Variants in CLEC16A observed in about 807,000 individuals in gnomAD.
CLEC16A encodes C-type lectin domain containing 16A.
Under a neutral mutation model 109.5 loss-of-function variants are expected in CLEC16A, and 51 were observed. That is an observed-to-expected ratio of 0.47 (90% CI 0.37 to 0.59). The LOEUF (loss-of-function observed/expected upper bound fraction) is 0.59, where lower values mean the gene tolerates loss of function less well. Among genes scored for constraint, CLEC16A ranks in the 20% least tolerant of loss-of-function variants. CLEC16A has a pLI of 0.00. For synonymous variants in CLEC16A, 673 were observed against 564.2 expected (o/e 1.19, Z -2.73); for missense variants, 1,339 against 1,394.0 (o/e 0.96, Z 0.63).
At chr16:11,050,388 G>T (rs905993307) in intron 17 of CLEC16A, among the ~76,000 whole-genome samples, 3 of 152,198 alleles carry the variant, frequency 2.0e-5, no homozygotes, top group Non-Finnish European at 4.4e-5. Flanking sequence ...CTACATCCCT[G>T]CCCTATGTAG....
At chr16:11,116,695 A>C (rs2052019518) in intron 19 of CLEC16A, among the ~76,000 whole-genome samples, 1 of 152,104 alleles carries the variant, frequency 6.6e-6, no homozygotes, top group Admixed American at 6.5e-5. Context: ...GAGAGGGGGG[A>C]AATCCTTGGA....
chr16:11,051,750 C>A, intron 18 of CLEC16A, 109 bp downstream of exon 18: 1 of 1,368,078 alleles, frequency 7.3e-7, no homozygotes, highest in South Asian at 1.3e-5. Flanking sequence ...GCCCTCAACA[C>A]AGCTTAGACA....
Position 10,968,062 on chromosome 16 carries a change from C to T in CLEC16A, c.344-1099C>T, listed in dbSNP as rs184098370. 1.3e-4 allele frequency among the ~76,000 whole-genome samples: 20 copies of T among 152,352 alleles called. 1 individual carries two copies. Among genetic ancestry groups the T allele is most frequent in the South Asian group, 4.1e-4 (2 of 4,834 alleles). On this transcript the variant is annotated intron_variant, in intron 3 of 23. Transcript: ENST00000409790. ...AACCATGCCCCCAGCAGGTGTGAAT[C>T]GTGTTCTGCCTTTAGCTGTCCTGGG...
intron 19 of CLEC16A, among the ~76,000 whole-genome samples, chr16:11,081,727 T>C (rs1485996930): frequency 2.0e-5 from 3 of 152,176 alleles, no homozygotes; most frequent in South Asian, 2.1e-4. Context: ...AAAGCCCAAG[T>C]TGGCTTTTGA....
At chr16:11,085,061 G>C (rs976630453) in intron 19 of CLEC16A, among the ~76,000 whole-genome samples, 2 of 152,212 alleles carry the variant, frequency 1.3e-5, no homozygotes, top group Admixed American at 6.5e-5. Context: ...CCTGGGGGAA[G>C]GGAGCCAGCA....
intron 19 of CLEC16A, among the ~76,000 whole-genome samples, chr16:11,089,889 G>T (rs567822489): frequency 1.3e-5 from 2 of 152,278 alleles, no homozygotes; most frequent in South Asian, 4.1e-4. Context: ...TTCCATCCCT[G>T]CCTTTGCTCA....
chr16:10,979,198 C>A, intron 8 of CLEC16A, 131 bp from the exon 9 acceptor site: 1 of 724,980 alleles, frequency 1.4e-6, no homozygotes. Context: ...AAAGGACAGC[C>A]CTAGGGCCGT....
intron 19 of CLEC16A, among the ~76,000 whole-genome samples, chr16:11,081,059 T>G (rs1040284433): frequency 4.6e-5 from 7 of 152,132 alleles, no homozygotes; most frequent in Admixed American, 6.5e-5. Flanking sequence ...ACGCTGCAAT[T>G]GAGGAAGCCT....
At chr16:11,044,007 A>T (rs2047494735) in intron 15 of CLEC16A, 21 bp from the exon 16 acceptor site, 1 of 1,588,960 alleles carries the variant, frequency 6.3e-7, no homozygotes, top group Admixed American at 1.8e-5. Context: ...CCTCCTTCAC[A>T]CCTTCCTTCT....
intron 19 of CLEC16A, among the ~76,000 whole-genome samples, chr16:11,111,845 T>C (rs201360656): frequency 5.3e-5 from 8 of 152,276 alleles, no homozygotes; most frequent in East Asian, 3.8e-4. Context: ...GGTAATGATA[T>C]GAAGTTTCCT....
intron 19 of CLEC16A, among the ~76,000 whole-genome samples, chr16:11,100,115 C>G (rs1034444785): frequency 9.2e-5 from 14 of 152,144 alleles, no homozygotes; most frequent in Non-Finnish European, 1.6e-4. Flanking sequence ...AAAAAAAATT[C>G]AATCCATGGC....
chr16:11,123,228 T>C (rs1307774740), intron 20 of CLEC16A, among the ~76,000 whole-genome samples: 2 of 152,180 alleles, frequency 1.3e-5, no homozygotes, highest in Non-Finnish European at 2.9e-5. Flanking sequence ...GATTAGCTTT[T>C]CCCTTTGGGG....
chr16:10,948,542 A>G (rs575323245), intron 1 of CLEC16A, among the ~76,000 whole-genome samples: 1 of 152,268 alleles, frequency 6.6e-6, no homozygotes, highest in South Asian at 2.1e-4. Flanking sequence ...GAATCGTTTG[A>G]TTGCTACTGA....
At chr16:11,037,256 G>C (rs2047074274) in intron 13 of CLEC16A, among the ~76,000 whole-genome samples, 1 of 152,202 alleles carries the variant, frequency 6.6e-6, no homozygotes, top group Admixed American at 6.5e-5. Flanking sequence ...CTGGCTGTGT[G>C]GGTGCTGCCA....
intron 13 of CLEC16A, among the ~76,000 whole-genome samples, chr16:11,030,462 C>T (rs182346667): frequency 1.1e-3 from 166 of 152,324 alleles, no homozygotes; most frequent in Admixed American, 4.1e-3. Context: ...TTTCACCATT[C>T]TAATAGGTTT....
At chr16:11,050,418 G>C (rs2047879051) in intron 17 of CLEC16A, among the ~76,000 whole-genome samples, 1 of 152,246 alleles carries the variant, frequency 6.6e-6, no homozygotes, top group African/African-American at 2.4e-5. Context: ...CCTAGCAGGA[G>C]GGGGAAAGTG....
intron 23 of CLEC16A, among the ~76,000 whole-genome samples, chr16:11,176,883 T>A (rs1410807445): frequency 6.6e-6 from 1 of 152,274 alleles, no homozygotes; most frequent in African/African-American, 2.4e-5. Context: ...TTCCTCTCCC[T>A]CTTCCCTTTC....
chr16:11,117,477 A>G (rs1372516339), intron 19 of CLEC16A, among the ~76,000 whole-genome samples: 1 of 152,180 alleles, frequency 6.6e-6, no homozygotes, highest in Non-Finnish European at 1.5e-5. Context: ...CATTTTTATC[A>G]TCTTTCATTT....
intron 22 of CLEC16A, among the ~76,000 whole-genome samples, chr16:11,155,250 A>T (rs577916732): frequency 2.0e-5 from 3 of 152,316 alleles, no homozygotes; most frequent in African/African-American, 7.2e-5. Context: ...TAATGCTTTC[A>T]TCCTCACGAA....
Sources: gnomAD v4.1 joint callset for allele counts (sites outside exome capture counted in the v4.1 genomes callset) on GRCh38, gnomAD v4.1.1 for gene constraint, MANE v1.5 for transcripts, NCBI Gene and HGNC (gene_info 2026-07-23, HGNC 2026-07-21) for gene names.